The following HEATR1 variants were observed in gnomAD, a reference collection of about 807,000 sequenced individuals.
HEATR1 encodes the protein HEAT repeat-containing protein 1.
In HEATR1, 77 loss-of-function variants were observed where a neutral mutation model predicts 248.2. The ratio of observed to expected loss-of-function variants is 0.31; its 90% CI spans 0.26 to 0.37. HEATR1 has a LOEUF of 0.37. Ranked by LOEUF, HEATR1 falls within the 10% of genes least tolerant of loss-of-function variation. The probability of loss-of-function intolerance (pLI) is 1.00; values close to 1 mark genes in which losing one functional copy is unlikely to be tolerated. For synonymous variants in HEATR1, 897 were observed against 923.1 expected (o/e 0.97, Z 0.51); for missense variants, 2,420 against 2,504.9 (o/e 0.97, Z 0.72).
intron 37 of HEATR1, 49 bp downstream of exon 37, chr1:236,557,146 T>C (rs746075542): frequency 6.3e-7 from 1 of 1,582,096 alleles, no homozygotes; most frequent in South Asian, 1.2e-5. Flanking sequence ...TGTGATCTTT[T>C]ACCTTCCCCA....
rs777454254 is a variant in HEATR1, at chr1:236,592,636, GT to G, written c.1194-4del. On this transcript the variant is annotated splice_region_variant and splice_polypyrimidine_tract_variant and intron_variant, in intron 9 of 44. Coordinates refer to ENST00000366582, the MANE Select transcript of HEATR1 (RefSeq NM_018072.6). ...AAATATACTCTTCAAATAGAAGGCT[GT>G]AAAAAAAAAAACAGAAATATCAGCA... is the stretch of plus-strand genomic sequence containing the variant. 2 of 1,131,850 alleles carry G rather than the reference GT, an allele frequency of 1.8e-6. No homozygotes were observed. Among genetic ancestry groups the G allele is most frequent in the South Asian group, 2.8e-5 (2 of 72,208 alleles). 70.1% of individuals were successfully genotyped at this position (1,131,850 alleles called of 1,614,324 possible).
At chr1:236,555,101 G>A (rs1267319982) in intron 41 of HEATR1, among the ~76,000 whole-genome samples, 195 bp downstream of exon 41, 3 of 152,176 alleles carry the variant, frequency 2.0e-5, no homozygotes, top group African/African-American at 4.8e-5. Flanking sequence ...CAAGTGAGGT[G>A]ACTTATAACA....
At chr1:236,559,938 A>T in intron 33 of HEATR1, 101 bp from the exon 34 acceptor site, 3 of 1,255,154 alleles carry the variant, frequency 2.4e-6, no homozygotes, top group Non-Finnish European at 2.2e-6. Context: ...AAGACGAGTT[A>T]AATAATTCTG....
At chr1:236,578,570 TAC>T (rs1210741156) in intron 20 of HEATR1, among the ~76,000 whole-genome samples, 25 of 152,222 alleles carry the variant, frequency 1.6e-4, no homozygotes, top group African/African-American at 5.3e-4. Flanking sequence ...CCTTCACTGA[TAC>T]AGTCAATTAT....
intron 12 of HEATR1, among the ~76,000 whole-genome samples, chr1:236,590,542 A>T (rs1262205003): frequency 6.6e-6 from 1 of 152,182 alleles, no homozygotes; most frequent in Non-Finnish European, 1.5e-5. Flanking sequence ...TCAAATTTCA[A>T]AACTAAAAAA....
chr1:236,564,974 T>G (rs573017795), intron 31 of HEATR1, among the ~76,000 whole-genome samples: 1 of 149,028 alleles, frequency 6.7e-6, no homozygotes, highest in East Asian at 2.0e-4. Flanking sequence ...AGGTGTAGAT[T>G]TCTTTATTCA....
chr1:236,550,940 C>T lies in HEATR1; in HGVS notation c.6397G>A (p.Glu2133Lys), dbSNP rs2607. Residue 2133 changes from glutamate to lysine, a missense_variant, in exon 45 of 45, where the codon GAA (glutamate) becomes AAA (lysine). By Grantham distance (56) the Glu-to-Lys change is moderately conservative. Coordinates refer to ENST00000366582, the MANE Select transcript of HEATR1 (RefSeq NM_018072.6). The stretch of plus-strand genomic sequence containing the variant: ...TGGAGTGGCTCTCCCAGGACAGTTT[C>T]CAGTTGCTGAATAGTCTTTTGGCAC... Reference protein sequence around the residue: ...HQCQKTIQQLETVLGEPLQSY... With the variant: ...HQCQKTIQQLKTVLGEPLQSY... The T allele has an allele frequency of 1.2e-6, 2 of 1,609,502 alleles. No individual in the cohort carries two copies. The highest frequency in any genetic ancestry group is 3.4e-5 in the Admixed American group (2 of 59,314).
intron 28 of HEATR1, among the ~76,000 whole-genome samples, chr1:236,570,487 G>T (rs1369253989): frequency 1.3e-5 from 2 of 152,032 alleles, no homozygotes; most frequent in African/African-American, 4.8e-5. Flanking sequence ...CGGTGGCAGC[G>T]GCAGGGAGGA....
intron 9 of HEATR1, 89 bp from the exon 10 acceptor site, chr1:236,592,722 T>C: frequency 1.7e-6 from 1 of 580,178 alleles, no homozygotes. Flanking sequence ...AGAAATATTA[T>C]CTCTAATTGT....
chr1:236,554,861 A>T, intron 41 of HEATR1, 109 bp from the exon 42 acceptor site: 1 of 961,412 alleles, frequency 1.0e-6, no homozygotes, highest in Non-Finnish European at 1.5e-6. Context: ...AGAGTCTAAA[A>T]TGATCTAGAA....
chr1:236,589,142 C>G (rs1350664745), intron 12 of HEATR1, among the ~76,000 whole-genome samples: 1 of 152,008 alleles, frequency 6.6e-6, no homozygotes, highest in Non-Finnish European at 1.5e-5. Context: ...CGAACCAAAC[C>G]CAGAGAACAG....
In HEATR1 at chr1:236,564,675, A is replaced by G. The variant is rs1663223032; in HGVS notation, c.4436-14T>C. ...TGGGAATGGTTTCTGAAACAGCAAT[A>G]AAACAAGTGACCTTACTCATTTTCA... On this transcript the variant is annotated splice_polypyrimidine_tract_variant and intron_variant, in intron 31 of 44. Coordinates refer to ENST00000366582, the MANE Select transcript of HEATR1 (RefSeq NM_018072.6). The G allele has an allele frequency of 6.2e-7, 1 of 1,605,056 alleles. No homozygotes were observed. The highest frequency in any genetic ancestry group is 8.5e-7 in the Non-Finnish European group (1 of 1,176,984).
intron 3 of HEATR1, among the ~76,000 whole-genome samples, chr1:236,601,933 C>A (rs1388667959): frequency 2.6e-5 from 4 of 151,126 alleles, no homozygotes; most frequent in Non-Finnish European, 5.9e-5. Context: ...AGTTTGAGAC[C>A]AGCCTGGCCA....
At chr1:236,567,375 C>T (rs755536293) in intron 29 of HEATR1, among the ~76,000 whole-genome samples, 9 of 152,128 alleles carry the variant, frequency 5.9e-5, no homozygotes, top group Admixed American at 1.3e-4. Flanking sequence ...ACAAAGTGTA[C>T]GATATGAGCC....
rs1391675271 is a variant in HEATR1, at chr1:236,550,719, AG to A, written c.*182del. ...CTTTCTGCAGCTCTATACGATAGGC[AG>A]GAGAGGCTTATGTGGCAGCACAAGC... On this transcript the variant is annotated 3_prime_UTR_variant, in exon 45 of 45. Transcript: ENST00000366582. 7.5e-6 allele frequency: 4 copies of A among 536,502 alleles called. No homozygotes were observed. Among genetic ancestry groups the A allele is most frequent in the Non-Finnish European group, 1.3e-5 (4 of 305,536 alleles). 33.2% of individuals were successfully genotyped at this position (536,502 alleles called of 1,614,324 possible). A position where few individuals can be genotyped will look rare whatever the true frequency, so the allele number is the denominator to read the frequency against.
At chr1:236,566,164 G>T in intron 30 of HEATR1, 119 bp from the exon 31 acceptor site, 1 of 869,280 alleles carries the variant, frequency 1.2e-6, no homozygotes, top group Non-Finnish European at 1.7e-6. Flanking sequence ...TTTAGAGTGG[G>T]TCGAGATCTA....
chr1:236,592,594 T>C lies in HEATR1; in HGVS notation c.1233A>G (p.Glu411=). The C allele has an allele frequency of 2.0e-6, 3 of 1,520,204 alleles. No homozygotes were observed. The highest frequency in any genetic ancestry group is 1.8e-6 in the Non-Finnish European group (2 of 1,098,564). 94.2% of individuals were successfully genotyped at this position (1,520,204 alleles called of 1,614,324 possible). A position where few individuals can be genotyped will look rare whatever the true frequency, so the allele number is the denominator to read the frequency against. Residue 411 remains glutamate (E), a synonymous_variant, in exon 10 of 45, where the codon GAA becomes GAG. Transcript: ENST00000366582. ...FEEYISYSSQ[E]EMDSNKVSLL... is the part of the protein sequence containing the mutation. ...AAGACACTTTATTAGAATCCATTTC[T>C]TCCTGTGAACTATATGAAATATACT...
chr1:236,565,826 C>T (rs531785401), intron 31 of HEATR1, 93 bp downstream of exon 31: 2 of 1,183,844 alleles, frequency 1.7e-6, no homozygotes, highest in South Asian at 3.2e-5. Context: ...CTTTAAAAAT[C>T]CTTCTGAAGA....
chr1:236,597,683 A>G (rs1401663492), intron 5 of HEATR1, among the ~76,000 whole-genome samples, 195 bp downstream of exon 5: 5 of 136,304 alleles, frequency 3.7e-5, no homozygotes, highest in African/African-American at 1.4e-4. Flanking sequence ...ACCTTTGGTG[A>G]TAAAAGACTG....
Sources: gnomAD v4.1 joint callset for allele counts (sites outside exome capture counted in the v4.1 genomes callset) on GRCh38, gnomAD v4.1.1 for gene constraint, MANE v1.5 for transcripts, NCBI Gene and HGNC (gene_info 2026-07-23, HGNC 2026-07-21) for gene names.